The following EPHB1 variants were observed in gnomAD, a reference collection of about 807,000 sequenced individuals.
The protein encoded by EPHB1 is ephrin type-B receptor 1.
EPHB1 carries 30 observed loss-of-function variants against 94.4 expected under a neutral mutation model. That is an observed-to-expected ratio of 0.32 (90% CI 0.24 to 0.43). The LOEUF (loss-of-function observed/expected upper bound fraction) is 0.43, where lower values mean the gene tolerates loss of function less well. Ranked by LOEUF, EPHB1 falls within the 20% of genes least tolerant of loss-of-function variation. The pLI, the probability that EPHB1 is intolerant of heterozygous loss-of-function variation, is 1.00. For synonymous variants in EPHB1, 522 were observed against 489.1 expected (o/e 1.07, Z -0.89); for missense variants, 1,055 against 1,308.3 (o/e 0.81, Z 2.99).
rs540745052 is a variant in EPHB1 at position 135,151,338 on chromosome 3, C to G, written c.1298-2814C>G. Reference sequence around the variant, plus strand: ...CCTCTCTTCTGGGTCCCACTGACTCCCTGATGCCCCCAGATCAGCCCCTTT... The same window carrying G: ...CCTCTCTTCTGGGTCCCACTGACTCGCTGATGCCCCCAGATCAGCCCCTTT... On this transcript the variant is annotated intron_variant, in intron 5 of 15. Transcript: ENST00000398015. Among the ~76,000 whole-genome samples the G allele has an allele frequency of 1.2e-4, 19 of 152,212 alleles. No individual in the cohort carries two copies. The East Asian group carries it at 2.9e-3, about 23-fold the overall frequency.
chr3:134,838,394 T>C (rs2108295751), intron 1 of EPHB1, among the ~76,000 whole-genome samples: 1 of 152,314 alleles, frequency 6.6e-6, no homozygotes, highest in South Asian at 2.1e-4. Context: ...CCTTGGCTTC[T>C]TGATTTCCTG....
chr3:135,029,047 C>A (rs1229561355), intron 3 of EPHB1, among the ~76,000 whole-genome samples: 2 of 135,680 alleles, frequency 1.5e-5, no homozygotes, highest in Non-Finnish European at 3.2e-5. Flanking sequence ...AGGATTGCAA[C>A]CCCTGCCTTT....
rs4955520 is a variant in EPHB1 at position 134,951,025 on chromosome 3, G to A, written c.124-346G>A. Among the ~76,000 whole-genome samples the A allele has an allele frequency of 0.5, 75,560 of 151,996 alleles. 19,672 individuals carry two copies. The highest frequency in any genetic ancestry group is 0.64 in the African/African-American group (26,362 of 41,434). On this transcript the variant is annotated intron_variant, in intron 2 of 15. Transcript: ENST00000398015. This position sits in a 1 kb window ranked among gnomAD's most constrained non-coding sequence, Gnocchi z 4.5. ...GGCTTTTAGAGCAGGTACTGTGGAA[G>A]TGAGGAAGAAAGTCCCTGCCATCAC... is the stretch of plus-strand genomic sequence containing the variant.
At chr3:134,900,038 G>A (rs2038169864) in intron 1 of EPHB1, among the ~76,000 whole-genome samples, 1 of 152,170 alleles carries the variant, frequency 6.6e-6, no homozygotes, top group Admixed American at 6.5e-5. Flanking sequence ...TGGACTTTGG[G>A]GCTAGATAAG....
At chr3:134,878,907 A>T (rs2037670340) in intron 1 of EPHB1, among the ~76,000 whole-genome samples, 1 of 152,216 alleles carries the variant, frequency 6.6e-6, no homozygotes, top group African/African-American at 2.4e-5. Flanking sequence ...CGCTCTTACT[A>T]AAATCTAAAG....
At chr3:134,834,544 G>A (rs78677473) in intron 1 of EPHB1, among the ~76,000 whole-genome samples, 1 of 152,176 alleles carries the variant, frequency 6.6e-6, no homozygotes, top group Non-Finnish European at 1.5e-5. Flanking sequence ...ATGTTGGCCA[G>A]CCCAAGTTCC....
At chr3:135,166,216 A>G (rs1941648515) in intron 8 of EPHB1, 140 bp downstream of exon 8, 1 of 625,354 alleles carries the variant, frequency 1.6e-6, no homozygotes, top group South Asian at 2.1e-5. Flanking sequence ...AGAGCAGCCT[A>G]GAATTCTTTA....
intron 1 of EPHB1, among the ~76,000 whole-genome samples, chr3:134,889,163 G>T (rs972925603): frequency 6.6e-6 from 1 of 152,220 alleles, no homozygotes; most frequent in Non-Finnish European, 1.5e-5. Context: ...GGAGGCAAGA[G>T]AATAATCTGG....
intron 12 of EPHB1, among the ~76,000 whole-genome samples, chr3:135,220,567 T>C (rs1559880134): frequency 6.7e-6 from 1 of 150,366 alleles, no homozygotes; most frequent in African/African-American, 2.4e-5. Context: ...CCTTTCCTCA[T>C]GGCCAGCTCT....
intron 15 of EPHB1, among the ~76,000 whole-genome samples, chr3:135,255,997 T>G (rs1385357933): frequency 5.3e-5 from 8 of 150,910 alleles, no homozygotes; most frequent in African/African-American, 2.0e-4. Flanking sequence ...TCTTTTGATC[T>G]TTGTTGGTTT....
At chr3:134,871,014 C>A (rs1160307954) in intron 1 of EPHB1, among the ~76,000 whole-genome samples, 1 of 152,182 alleles carries the variant, frequency 6.6e-6, no homozygotes, top group Non-Finnish European at 1.5e-5. Context: ...CCTTAGGCCC[C>A]TGGAGTGGGT....
chr3:135,225,011 A>G (rs1265548697), intron 12 of EPHB1, among the ~76,000 whole-genome samples: 1 of 152,108 alleles, frequency 6.6e-6, no homozygotes, highest in African/African-American at 2.4e-5. Flanking sequence ...TTTGATTTAT[A>G]TCTGTCTGGG....
At chr3:135,243,922 C>CCGCT (rs1366800754) in intron 13 of EPHB1, among the ~76,000 whole-genome samples, 2 of 152,128 alleles carry the variant, frequency 1.3e-5, no homozygotes, top group Non-Finnish European at 2.9e-5. Flanking sequence ...TTGACTTAAC[C>CCGCT]CACTCTGCCC....
chr3:135,227,768 A>G (rs2107722773), intron 12 of EPHB1, among the ~76,000 whole-genome samples: 1 of 152,322 alleles, frequency 6.6e-6, no homozygotes, highest in East Asian at 1.9e-4. Flanking sequence ...AAACTTAAAG[A>G]AAGTTCCCAG....
rs72981640 is a variant in EPHB1 at position 135,207,952 on chromosome 3, G to A, written c.2346+6263G>A. Among the ~76,000 whole-genome samples the A allele has an allele frequency of 7.8e-3, 1,192 of 152,274 alleles. 17 individuals carry two copies. The highest frequency in any genetic ancestry group is 0.027 in the African/African-American group (1,115 of 41,560). On this transcript the variant is annotated intron_variant, in intron 12 of 15. Transcript: ENST00000398015. ...TCCACCTTCATGACATAAACTAACT[G>A]CAGTCACCTCCCAGAGGCTCCACCT...
chr3:135,173,277 G>A (rs1246573870), intron 9 of EPHB1, among the ~76,000 whole-genome samples: 10 of 151,830 alleles, frequency 6.6e-5, no homozygotes, highest in African/African-American at 9.7e-5. Context: ...CTCGTGATCC[G>A]CCCGCCTCGG....
intron 15 of EPHB1, among the ~76,000 whole-genome samples, chr3:135,252,786 G>A (rs1318737465): frequency 3.6e-5 from 5 of 140,254 alleles, no homozygotes; most frequent in East Asian, 2.2e-4. Flanking sequence ...CTGAGGAATC[G>A]CCACACTGAC....
At chr3:134,847,234 G>T (rs1297235924) in intron 1 of EPHB1, among the ~76,000 whole-genome samples, 1 of 152,156 alleles carries the variant, frequency 6.6e-6, no homozygotes, top group Non-Finnish European at 1.5e-5. Flanking sequence ...ACAGCAGCAG[G>T]GCAAGGCGGG....
chr3:134,948,384 G>A (rs1329661397), intron 2 of EPHB1, among the ~76,000 whole-genome samples: 2 of 151,518 alleles, frequency 1.3e-5, no homozygotes, highest in African/African-American at 4.9e-5. Context: ...CTGAGAAAAT[G>A]CTGTTTTATA....
Sources: gnomAD v4.1 joint callset for allele counts (sites outside exome capture counted in the v4.1 genomes callset) on GRCh38, gnomAD v4.1.1 for gene constraint, Gnocchi (gnomAD v3.1) non-coding constraint, MANE v1.5 for transcripts, NCBI Gene and HGNC (gene_info 2026-07-23, HGNC 2026-07-21) for gene names.